The following YAF2 variants were observed in gnomAD, a reference collection of about 807,000 sequenced individuals.
YAF2 encodes the protein YY1 associated factor 2.
In YAF2, 7 loss-of-function variants were observed where a neutral mutation model predicts 20.1. That is an observed-to-expected ratio of 0.35 (90% CI 0.20 to 0.65). YAF2 has a LOEUF of 0.65. Among genes scored for constraint, YAF2 ranks in the 30% least tolerant of loss-of-function variants. The pLI is 0.69. For missense variants in YAF2, 151 were observed against 219.2 expected, an observed-to-expected ratio of 0.69 and a Z score of 1.96; for synonymous variants, 74 against 76.0, an observed-to-expected ratio of 0.97 and a Z score of 0.14.
intron 2 of YAF2, chr12:42,233,655 G>A: frequency 3.2e-6 from 2 of 618,934 alleles, no homozygotes; most frequent in Non-Finnish European, 4.0e-6. Context: ...GGGACCACAG[G>A]CATGCACCAC....
At chr12:42,237,451 T>C (rs1288785765) in intron 2 of YAF2, 148 bp downstream of exon 2, 1 of 1,329,090 alleles carries the variant, frequency 7.5e-7, no homozygotes, top group Non-Finnish European at 9.6e-7. Context: ...TTGCGATCAA[T>C]GTGACCCAGT....
intron 2 of YAF2, among the ~76,000 whole-genome samples, chr12:42,203,495 T>A (rs1178496995): frequency 2.6e-5 from 4 of 152,188 alleles, no homozygotes; most frequent in African/African-American, 9.6e-5. Flanking sequence ...TTTCCAAAGT[T>A]TCACTATTAA....
intron 2 of YAF2, chr12:42,210,307 A>T: frequency 1.5e-6 from 2 of 1,342,982 alleles, no homozygotes; most frequent in Non-Finnish European, 2.0e-6. Context: ...AAGGGACAAA[A>T]TTTGGGGGGA....
intron 2 of YAF2, among the ~76,000 whole-genome samples, chr12:42,162,438 T>C (rs934889255): frequency 1.3e-5 from 2 of 152,212 alleles, no homozygotes; most frequent in African/African-American, 4.8e-5. Flanking sequence ...CAACATCTGA[T>C]GCTGGTACAA....
intron 2 of YAF2, chr12:42,235,241 C>A: frequency 1.0e-6 from 1 of 996,262 alleles, no homozygotes; most frequent in Non-Finnish European, 1.2e-6. Context: ...GGCTTTAGTA[C>A]TTGCCAACCT....
Position 42,235,935 on chromosome 12 carries a change from G to A in YAF2, c.152+1664C>T, listed in dbSNP as rs947038587. The stretch of plus-strand genomic sequence containing the variant: ...GCCACCACCTACTCTATTTCTCAGG[G>A]TTCCTCTAACCCCAAGACTGGCTGT... On this transcript the variant is annotated intron_variant, in intron 2 of 3. Transcript: ENST00000534854. 6 of 1,535,808 alleles carry A rather than the reference G, an allele frequency of 3.9e-6. No individual in the cohort carries two copies. The East Asian group carries it at 7.3e-5, about 19-fold the overall frequency.
At chr12:42,184,883 G>T (rs895592437) in intron 2 of YAF2, among the ~76,000 whole-genome samples, 5 of 152,156 alleles carry the variant, frequency 3.3e-5, no homozygotes, top group African/African-American at 1.2e-4. Flanking sequence ...AATAGCAAGA[G>T]AACTAGAATT....
At chr12:42,204,192 T>G (rs938479639) in intron 2 of YAF2, among the ~76,000 whole-genome samples, 1 of 152,226 alleles carries the variant, frequency 6.6e-6, no homozygotes, top group African/African-American at 2.4e-5. Flanking sequence ...TGAACCTTTG[T>G]ACACTGCTGG....
At chr12:42,194,943 C>T (rs1592219957) in intron 2 of YAF2, among the ~76,000 whole-genome samples, 1 of 152,192 alleles carries the variant, frequency 6.6e-6, no homozygotes, top group African/African-American at 2.4e-5. Context: ...TTACTGACAA[C>T]ACTTTATAGA....
At chr12:42,186,714 T>G (rs1238501328) in intron 2 of YAF2, among the ~76,000 whole-genome samples, 5 of 151,994 alleles carry the variant, frequency 3.3e-5, no homozygotes, top group Non-Finnish European at 7.4e-5. Flanking sequence ...GAAAAGAAAT[T>G]AACTTTCCCA....
rs541198671 is a variant in YAF2 at position 42,226,711 on chromosome 12, T to TA, written c.152+10887dup. 7.4e-4 allele frequency among the ~76,000 whole-genome samples: 113 copies of TA among 152,260 alleles called. 1 individual carries two copies. Among genetic ancestry groups the TA allele is most frequent in the African/African-American group, 2.5e-3 (105 of 41,564 alleles). The stretch of plus-strand genomic sequence containing the variant: ...GCTAAAACGATTTATACCTACAACT[T>TA]AGAGACAAAATAGTCTGATAATATT... On this transcript the variant is annotated intron_variant, in intron 2 of 3. Transcript: ENST00000534854.
At chr12:42,212,416 C>T in intron 2 of YAF2, 1 of 443,646 alleles carries the variant, frequency 2.3e-6, no homozygotes, top group Non-Finnish European at 4.5e-6. Context: ...TTTTAATACC[C>T]TTTACCATCA....
intron 2 of YAF2, among the ~76,000 whole-genome samples, chr12:42,183,543 G>A (rs2066398230): frequency 6.6e-6 from 1 of 152,134 alleles, no homozygotes; most frequent in Non-Finnish European, 1.5e-5. Context: ...TTGGATAGAA[G>A]ATCAAACCAG....
At chr12:42,205,448 T>C (rs1413860253) in intron 2 of YAF2, among the ~76,000 whole-genome samples, 1 of 151,726 alleles carries the variant, frequency 6.6e-6, no homozygotes, top group East Asian at 1.9e-4. Flanking sequence ...CAATCTCAGC[T>C]CACTGCAACC....
chr12:42,223,440 T>C (rs2067584559), intron 2 of YAF2, among the ~76,000 whole-genome samples: 1 of 152,054 alleles, frequency 6.6e-6, no homozygotes. Flanking sequence ...ATAATTTGGG[T>C]GAAATTTCTT....
intron 2 of YAF2, among the ~76,000 whole-genome samples, chr12:42,168,489 A>T (rs542308043): frequency 6.6e-6 from 1 of 152,272 alleles, no homozygotes; most frequent in African/African-American, 2.4e-5. Context: ...GCCGAAAGAC[A>T]GAAATTTTAT....
chr12:42,160,655 C>T lies in YAF2; in HGVS notation c.477G>A (p.Glu159=). Reference sequence around the variant, plus strand: ...GTGAAGATGACCTGGACATTCCTCTCTCTGTGTTATCAGAGCTAGAGCCGC... The same window carrying T: ...GTGAAGATGACCTGGACATTCCTCTTTCTGTGTTATCAGAGCTAGAGCCGC... ...SQSGSSSDNT[E]RGMSRSSSPR... The change falls in exon 4 of 4, where the codon GAG becomes GAA. Residue 159 remains glutamate (E), a synonymous_variant. Coordinates refer to ENST00000534854, the MANE Select transcript of YAF2 (RefSeq NM_005748.6). 6.2e-7 allele frequency: 1 copy of T among 1,613,818 alleles called. No individual in the cohort carries two copies. The highest frequency in any genetic ancestry group is 8.5e-7 in the Non-Finnish European group (1 of 1,179,864).
intron 2 of YAF2, chr12:42,233,399 CACT>C (rs1340398770): frequency 2.5e-5 from 25 of 984,086 alleles, no homozygotes; most frequent in Non-Finnish European, 3.0e-5. Flanking sequence ...AGTAACTGTC[CACT>C]ACTAGATGAA....
intron 2 of YAF2, among the ~76,000 whole-genome samples, chr12:42,226,965 G>T (rs1472874184): frequency 6.7e-6 from 1 of 149,128 alleles, no homozygotes; most frequent in African/African-American, 2.4e-5. Context: ...GCTGCGCTGC[G>T]GCCCGGGGCA....
Sources: allele counts gnomAD v4.1 joint callset (sites outside exome capture counted in the v4.1 genomes callset), GRCh38; gene constraint gnomAD v4.1.1; transcripts MANE v1.5; gene names NCBI Gene and HGNC (gene_info 2026-07-23, HGNC 2026-07-21).